USP32: variants seen among roughly 807,000 people sequenced by gnomAD.
The protein encoded by USP32 is ubiquitin carboxyl-terminal hydrolase 32.
In USP32, 59 loss-of-function variants were observed where a neutral mutation model predicts 204.8. The observed-to-expected ratio is 0.29, with a 90% confidence interval of 0.23 to 0.36. The LOEUF is 0.36. USP32 is among the 10% of genes least tolerant of loss of function. The pLI is 1.00. For synonymous variants in USP32, 517 were observed against 678.4 expected, an observed-to-expected ratio of 0.76 and a Z score of 3.70; for missense variants, 1,160 against 1,946.4, an observed-to-expected ratio of 0.60 and a Z score of 7.60.
intron 1 of USP32, among the ~76,000 whole-genome samples, chr17:60,401,831 TA>T (rs1239749477): frequency 6.6e-6 from 1 of 152,052 alleles, no homozygotes; most frequent in African/African-American, 2.4e-5. Flanking sequence ...CATTTGTAGA[TA>T]ATATTAACAA....
chr17:60,227,935 T>TA (rs924753808), intron 12 of USP32, among the ~76,000 whole-genome samples: 3 of 152,054 alleles, frequency 2.0e-5, no homozygotes, highest in Non-Finnish European at 4.4e-5. Context: ...GACCATAGTT[T>TA]AAAAAAATGA....
chr17:60,401,653 G>A (rs1178029017), intron 1 of USP32, among the ~76,000 whole-genome samples: 2 of 151,664 alleles, frequency 1.3e-5, no homozygotes, highest in African/African-American at 4.8e-5. Context: ...GGCTGAGGCA[G>A]GTGGATCACT....
In USP32 at chr17:60,355,070, C is replaced by T. The variant is rs191242421; in HGVS notation, c.59-9462G>A. Reference sequence around the variant, plus strand: ...AAAACAAAAACATAAAACTATGATACATTCTTATTATAGAATACTTTTCAG... The same window carrying T: ...AAAACAAAAACATAAAACTATGATATATTCTTATTATAGAATACTTTTCAG... On this transcript the variant is annotated intron_variant, in intron 1 of 33. Transcript: ENST00000300896. Among the ~76,000 whole-genome samples the T allele has an allele frequency of 1.3e-3, 204 of 152,254 alleles. 1 individual carries two copies. The highest frequency in any genetic ancestry group is 4.8e-3 in the African/African-American group (198 of 41,556).
intron 12 of USP32, among the ~76,000 whole-genome samples, chr17:60,234,732 GAA>G (rs1294298128): frequency 6.8e-6 from 1 of 147,522 alleles, no homozygotes; most frequent in African/African-American, 2.6e-5. Context: ...CTCCGTCTCA[GAA>G]AAAAAAAAAT....
At chr17:60,376,546 C>CAA (rs2089544655) in intron 1 of USP32, among the ~76,000 whole-genome samples, 1 of 148,890 alleles carries the variant, frequency 6.7e-6, no homozygotes. Flanking sequence ...TTTTTTGAGA[C>CAA]AGAGTCTCAC....
intron 5 of USP32, among the ~76,000 whole-genome samples, chr17:60,274,593 C>T (rs930794241): frequency 8.6e-5 from 13 of 151,934 alleles, no homozygotes; most frequent in Admixed American, 7.9e-4. Context: ...GAAAAAAACC[C>T]CAGAAAGCAA....
chr17:60,225,044 A>G (rs1460005034), intron 13 of USP32, among the ~76,000 whole-genome samples: 1 of 152,202 alleles, frequency 6.6e-6, no homozygotes, highest in African/African-American at 2.4e-5. Flanking sequence ...GGGTGCATTT[A>G]ATTTAATTAT....
At chr17:60,253,940 C>T (rs1016157677) in intron 10 of USP32, among the ~76,000 whole-genome samples, 2 of 152,070 alleles carry the variant, frequency 1.3e-5, no homozygotes, top group African/African-American at 2.4e-5. Context: ...AATTGATTTA[C>T]AGGCCTATCA....
At chr17:60,321,712 A>C (rs1236114301) in intron 2 of USP32, among the ~76,000 whole-genome samples, 1 of 152,220 alleles carries the variant, frequency 6.6e-6, no homozygotes, top group Non-Finnish European at 1.5e-5. Context: ...TTACAATGAA[A>C]AATACAGTAA....
intron 1 of USP32, among the ~76,000 whole-genome samples, chr17:60,416,920 CTTT>C (rs113006047): frequency 4.3e-5 from 6 of 139,052 alleles, no homozygotes; most frequent in Admixed American, 7.1e-5. Flanking sequence ...TATCCAATTC[CTTT>C]TTTTTTTTTT....
At chr17:60,274,479 G>GC (rs2086796557) in intron 5 of USP32, among the ~76,000 whole-genome samples, 1 of 152,000 alleles carries the variant, frequency 6.6e-6, no homozygotes. Flanking sequence ...CCCTAACAAG[G>GC]CAAGTCATAA....
At chr17:60,401,364 C>T (rs1182945362) in intron 1 of USP32, among the ~76,000 whole-genome samples, 3 of 151,958 alleles carry the variant, frequency 2.0e-5, no homozygotes, top group Admixed American at 6.6e-5. Context: ...AGTGAGACTC[C>T]GTCTCAATTA....
At chr17:60,364,011 TACA>T (rs1314539478) in intron 1 of USP32, among the ~76,000 whole-genome samples, 9 of 152,294 alleles carry the variant, frequency 5.9e-5, no homozygotes, top group African/African-American at 1.9e-4. Flanking sequence ...TTCAGGCTGC[TACA>T]ACAAAATATC....
chr17:60,366,127 G>A (rs2089307663), intron 1 of USP32, among the ~76,000 whole-genome samples: 1 of 151,788 alleles, frequency 6.6e-6, no homozygotes, highest in South Asian at 2.1e-4. Context: ...ACAGGCATGT[G>A]ACACCACGCC....
intron 2 of USP32, among the ~76,000 whole-genome samples, chr17:60,306,430 G>A (rs919594006): frequency 6.6e-6 from 1 of 152,178 alleles, no homozygotes; most frequent in Admixed American, 6.5e-5. Context: ...TTGAGGTCAG[G>A]AGTTCGAGAG....
intron 2 of USP32, among the ~76,000 whole-genome samples, chr17:60,303,124 A>C (rs1290521312): frequency 3.3e-5 from 5 of 152,250 alleles, no homozygotes; most frequent in African/African-American, 1.2e-4. Flanking sequence ...AACCCAGCAA[A>C]AACTAGCCAA....
At chr17:60,353,886 G>A (rs1293451495) in intron 1 of USP32, among the ~76,000 whole-genome samples, 4 of 152,136 alleles carry the variant, frequency 2.6e-5, no homozygotes, top group Non-Finnish European at 5.9e-5. Context: ...GCAGCACAAC[G>A]CTCATTGTCA....
In USP32 at chr17:60,212,344, G is replaced by A. The variant is rs138223230; in HGVS notation, c.2105-246C>T. On this transcript the variant is annotated intron_variant, in intron 18 of 33. Coordinates refer to ENST00000300896, the MANE Select transcript of USP32 (RefSeq NM_032582.4). ...TAGGCTATGTATGGTATAGGCTGTC[G>A]CTCCTTGGCTACAAACCTGTACAGT... Among the ~76,000 whole-genome samples the A allele has an allele frequency of 8.5e-4, 129 of 152,296 alleles. 1 individual carries two copies. The highest frequency in any genetic ancestry group is 6.1e-3 in the Admixed American group (93 of 15,298).
chr17:60,314,638 T>C (rs1455323430), intron 2 of USP32, among the ~76,000 whole-genome samples: 4 of 152,006 alleles, frequency 2.6e-5, no homozygotes, highest in African/African-American at 7.3e-5. Flanking sequence ...ATACCTGTAC[T>C]TAGAGACAAA....
Sources: allele counts gnomAD v4.1 joint callset (sites outside exome capture counted in the v4.1 genomes callset), GRCh38; gene constraint gnomAD v4.1.1; transcripts MANE v1.5; gene names NCBI Gene and HGNC (gene_info 2026-07-23, HGNC 2026-07-21).